The following DHX30 variants were observed in gnomAD, a reference collection of about 807,000 sequenced individuals.
The protein encoded by DHX30 is ATP-dependent RNA helicase DHX30.
A neutral mutation model predicts 116.9 loss-of-function variants in DHX30; 4 were observed. The ratio of observed to expected loss-of-function variants is 0.03; its 90% CI spans 0.02 to 0.08. The LOEUF (loss-of-function observed/expected upper bound fraction) is 0.08. DHX30 is among the 10% of genes least tolerant of loss of function. DHX30 has a pLI of 1.00. For missense variants in DHX30, 871 were observed against 1,595.1 expected, an observed-to-expected ratio of 0.55 and a Z score of 7.73; for synonymous variants, 697 against 651.7, an observed-to-expected ratio of 1.07 and a Z score of -1.06.
intron 6 of DHX30, among the ~76,000 whole-genome samples, chr3:47,834,644 G>C (rs182776671): frequency 6.6e-6 from 1 of 151,948 alleles, no homozygotes; most frequent in Non-Finnish European, 1.5e-5. Flanking sequence ...TAATTTTGTA[G>C]AGATGGGGTC....
intron 3 of DHX30, among the ~76,000 whole-genome samples, chr3:47,811,511 G>A (rs1466794018): frequency 6.6e-6 from 1 of 152,154 alleles, no homozygotes; most frequent in Non-Finnish European, 1.5e-5. Flanking sequence ...AACACTGGTG[G>A]AAGTTGGATT....
intron 6 of DHX30, among the ~76,000 whole-genome samples, chr3:47,833,205 CT>C (rs2036941334): frequency 6.6e-6 from 1 of 151,972 alleles, no homozygotes; most frequent in Admixed American, 6.6e-5. Flanking sequence ...TATCCATCAC[CT>C]CAAATAGTTA....
rs1043403 is a variant in DHX30, at chr3:47,849,529, C to T, written c.3166C>T (p.Leu1056=). ...VTYRTKSGNI[L]LHKSTINREA... is the part of the protein sequence containing the mutation. ...ATATAGGACCAAATCAGGCAACATC[C>T]TGCTGCACAAGTCGACCATTAACAG... Residue 1056 remains leucine, a synonymous_variant, in exon 20 of 22, where the codon CTG becomes TTG. Coordinates refer to ENST00000445061, the MANE Select transcript of DHX30 (RefSeq NM_138615.3). 1 of 1,608,144 alleles carries T rather than the reference C, an allele frequency of 6.2e-7. No homozygotes were observed. Among genetic ancestry groups the T allele is most frequent in the South Asian group, 1.1e-5 (1 of 90,858 alleles).
intron 1 of DHX30, 94 bp downstream of exon 1, chr3:47,803,306 C>G (rs1023393578): frequency 7.7e-6 from 3 of 387,142 alleles, no homozygotes; most frequent in Non-Finnish European, 1.4e-5. Flanking sequence ...CCGGTCCGAC[C>G]GCCAGCCTGG....
chr3:47,830,016 G>T (rs187536689), intron 6 of DHX30, among the ~76,000 whole-genome samples: 21 of 151,442 alleles, frequency 1.4e-4, no homozygotes, highest in African/African-American at 4.3e-4. Context: ...ATTTTTAGTA[G>T]AGATGGGGTT....
In DHX30 at chr3:47,847,014, C is replaced by G. The variant is rs2037638754; in HGVS notation, c.1929+13C>G. Reference sequence around the variant, plus strand: ...CCGGCACCATGAGGTGAGGGACACCCCCATCCCACCCAAGGCTCCTGGCCT... The same window carrying G: ...CCGGCACCATGAGGTGAGGGACACCGCCATCCCACCCAAGGCTCCTGGCCT... On this transcript the variant is annotated intron_variant, in intron 11 of 21. Coordinates refer to ENST00000445061, the MANE Select transcript of DHX30 (RefSeq NM_138615.3). The surrounding 1 kb of genome is among the most constrained non-coding windows in gnomAD (Gnocchi z 5.5). 1 of 1,600,614 alleles carries G rather than the reference C, an allele frequency of 6.2e-7. No individual in the cohort carries two copies. The highest frequency in any genetic ancestry group is 1.1e-5 in the South Asian group (1 of 89,978).
In DHX30 at chr3:47,841,598, A is replaced by C; in HGVS notation, c.669-19A>C. ...CCAGGAAGAGAGAATTCTTTCAGTT[A>C]AACTTTTGGTCCTCCCAGGGGGAGT... On this transcript the variant is annotated intron_variant, in intron 7 of 21. Transcript: ENST00000445061. The C allele has an allele frequency of 1.2e-6, 2 of 1,614,022 alleles. No individual in the cohort carries two copies. The highest frequency in any genetic ancestry group is 1.7e-6 in the Non-Finnish European group (2 of 1,179,948).
intron 4 of DHX30, chr3:47,824,984 C>G: frequency 1.9e-6 from 1 of 536,872 alleles, no homozygotes; most frequent in Non-Finnish European, 3.2e-6. Context: ...CCGGCCGCTC[C>G]CGTTCTCTTC....
Position 47,848,686 on chromosome 3 carries a change from G to T in DHX30, c.2638G>T (p.Asp880Tyr). The change falls in exon 17 of 22, where the codon GAC becomes TAC. Residue 880 changes from aspartate (D) to tyrosine (Y), a missense_variant. Asp to Tyr is a radical substitution (Grantham distance 160). Coordinates refer to ENST00000445061, the MANE Select transcript of DHX30 (RefSeq NM_138615.3). This position sits in a 1 kb window ranked among gnomAD's most constrained non-coding sequence, Gnocchi z 9.4. ...GCAGCGCCTGGCTCACATCTCCACC[G>T]ACCCCCGGTTGGCCAAGGCCATTGT... ...LGQRLAHIST[D>Y]PRLAKAIVLA... is the part of the protein sequence containing the mutation. 1 of 1,614,100 alleles carries T rather than the reference G, an allele frequency of 6.2e-7. No homozygotes were observed. Among genetic ancestry groups the T allele is most frequent in the Non-Finnish European group, 8.5e-7 (1 of 1,180,008 alleles).
chr3:47,846,283 C>G lies in DHX30; in HGVS notation c.1211C>G (p.Pro404Arg). The G allele has an allele frequency of 6.2e-7, 1 of 1,614,230 alleles. No homozygotes were observed. Among genetic ancestry groups the G allele is most frequent in the Non-Finnish European group, 8.5e-7 (1 of 1,180,040 alleles). ...SDPITGKPYV[P>R]LLEAEEVRLS... is the part of the protein sequence containing the mutation. ...CCTATCACAGGCAAGCCCTATGTGCCCCTGTTGGAAGCAGAGGAGGTACGT... is the reference window on the plus strand; with the variant it reads ...CCTATCACAGGCAAGCCCTATGTGCGCCTGTTGGAAGCAGAGGAGGTACGT... Residue 404 changes from proline to arginine, a missense_variant, in exon 11 of 22, where the codon CCC (proline) becomes CGC (arginine). Transcript: ENST00000445061.
At chr3:47,818,815 C>A (rs1048469845) in intron 4 of DHX30, among the ~76,000 whole-genome samples, 6 of 152,192 alleles carry the variant, frequency 3.9e-5, no homozygotes, top group African/African-American at 1.4e-4. Flanking sequence ...AAGGCCAGTG[C>A]TCCTGGAAGC....
At chr3:47,817,903 A>C in intron 3 of DHX30, 119 bp from the exon 4 acceptor site, 2 of 772,000 alleles carry the variant, frequency 2.6e-6, no homozygotes, top group Non-Finnish European at 4.8e-6. Context: ...TGCTCCCAGC[A>C]CTGTCCAGCA....
At chr3:47,809,274 CT>C (rs2035681340) in intron 2 of DHX30, among the ~76,000 whole-genome samples, 2 of 102,332 alleles carry the variant, frequency 2.0e-5, no homozygotes, top group African/African-American at 7.7e-5. Flanking sequence ...CGGAGTCTCA[CT>C]CTGTCGCCCA....
chr3:47,840,538 A>AGGTGGGAGGGTCACCTGAG (rs2037327162), intron 6 of DHX30, among the ~76,000 whole-genome samples: 1 of 151,828 alleles, frequency 6.6e-6, no homozygotes, highest in Non-Finnish European at 1.5e-5. Context: ...TTGGAAGTTG[A>AGGTGGGAGGGTCACCTGAG]GGTGGGAGGG....
chr3:47,849,399 C>T (rs924311335), intron 19 of DHX30, 50 bp downstream of exon 19: 1 of 1,582,608 alleles, frequency 6.3e-7, no homozygotes, highest in South Asian at 1.2e-5. Flanking sequence ...GCCTCCTTCC[C>T]TGTCTGCAGC....
chr3:47,849,002 G>A lies in DHX30; in HGVS notation c.2852G>A (p.Arg951His), dbSNP rs1049280588. ...GTCGCCGGCTGGGAGGAGGTGCTGC[G>A]TTGGCAGGACCGCAGCTCCCGGGAG... Reference protein sequence around the residue: ...RAVAGWEEVLRWQDRSSRENY... With the variant: ...RAVAGWEEVLHWQDRSSRENY... Residue 951 changes from arginine (R) to histidine (H), a missense_variant, in exon 18 of 22, where the codon CGT becomes CAT. Transcript: ENST00000445061. 33 of 1,613,500 alleles carry A rather than the reference G, an allele frequency of 2.0e-5. No individual in the cohort carries two copies. Among genetic ancestry groups the A allele is most frequent in the Non-Finnish European group, 2.5e-5 (29 of 1,179,856 alleles).
In DHX30 at chr3:47,827,399, T is replaced by C; in HGVS notation, c.177T>C (p.Ser59=). ...EFPQPKNLLN[S]VIGRALGISH... ...CACAGCCCAAAAATCTTCTCAACAG[T>C]GTGATTGGAAGAGCCCTCGGCATCT... The change falls in exon 5 of 22, where the codon AGT becomes AGC. Residue 59 remains serine (S), a synonymous_variant. Coordinates refer to ENST00000445061, the MANE Select transcript of DHX30 (RefSeq NM_138615.3). 6.2e-7 allele frequency: 1 copy of C among 1,613,988 alleles called. No individual in the cohort carries two copies. Among genetic ancestry groups the C allele is most frequent in the Non-Finnish European group, 8.5e-7 (1 of 1,179,940 alleles).
chr3:47,826,367 G>T (rs963079154), intron 4 of DHX30, among the ~76,000 whole-genome samples: 2 of 151,956 alleles, frequency 1.3e-5, no homozygotes. Context: ...GGTATCTGAT[G>T]CATCAATTTT....
chr3:47,847,746 C>A lies in DHX30; in HGVS notation c.2111-35C>A. 1 of 1,597,224 alleles carries A rather than the reference C, an allele frequency of 6.3e-7. No individual in the cohort carries two copies. The highest frequency in any genetic ancestry group is 8.6e-7 in the Non-Finnish European group (1 of 1,168,720). On this transcript the variant is annotated intron_variant, in intron 13 of 21. Transcript: ENST00000445061. This position sits in a 1 kb window ranked among gnomAD's most constrained non-coding sequence, Gnocchi z 5.5. ...TTCCAGGGGGGAATTCTGGTGGAAG[C>A]AGTGCCCATAACTGGTGTGTGTCTT...
Sources: gnomAD v4.1 joint callset for allele counts (sites outside exome capture counted in the v4.1 genomes callset) on GRCh38, gnomAD v4.1.1 for gene constraint, Gnocchi (gnomAD v3.1) non-coding constraint, MANE v1.5 for transcripts, NCBI Gene and HGNC (gene_info 2026-07-23, HGNC 2026-07-21) for gene names.